OGDHL: variants seen among roughly 807,000 people sequenced by gnomAD.
OGDHL encodes 2-oxoglutarate dehydrogenase-like, mitochondrial.
OGDHL carries 79 observed loss-of-function variants against 109.6 expected under a neutral mutation model. The observed-to-expected ratio is 0.72, with a 90% confidence interval of 0.60 to 0.87. OGDHL has a LOEUF of 0.87. Among genes scored for constraint, OGDHL ranks in the 40% least tolerant of loss-of-function variants. OGDHL has a pLI of 0.00. For synonymous variants in OGDHL, 528 were observed against 537.2 expected, an observed-to-expected ratio of 0.98 and a Z score of 0.24; for missense variants, 1,275 against 1,362.2, an observed-to-expected ratio of 0.94 and a Z score of 1.01.
At chr10:49,741,380 A>C (rs1307959467) in intron 15 of OGDHL, among the ~76,000 whole-genome samples, 1 of 152,102 alleles carries the variant, frequency 6.6e-6, no homozygotes, top group Non-Finnish European at 1.5e-5. Context: ...TGGGTGCATC[A>C]GAGGGCCACC....
At chr10:49,740,240 T>C (rs982652382) in intron 16 of OGDHL, among the ~76,000 whole-genome samples, 1 of 152,020 alleles carries the variant, frequency 6.6e-6, no homozygotes, top group Non-Finnish European at 1.5e-5. Flanking sequence ...GTGAGCCAGC[T>C]AATGATGCAT....
At chr10:49,744,217 T>TGGAGG (rs1842014644) in intron 13 of OGDHL, 95 bp from the exon 14 acceptor site, 1 of 1,488,006 alleles carries the variant, frequency 6.7e-7, no homozygotes, top group Non-Finnish European at 9.0e-7. Context: ...GCCCATGGCT[T>TGGAGG]CCCAAACTCC....
chr10:49,750,529 C>A (rs1488849865), intron 7 of OGDHL, among the ~76,000 whole-genome samples: 7 of 152,200 alleles, frequency 4.6e-5, no homozygotes, highest in African/African-American at 1.7e-4. Context: ...CTCTCCTTGT[C>A]CACAGGAACC....
At position 49,736,519 on chromosome 10, in the gene OGDHL, C is replaced by T; in HGVS notation, c.2592G>A (p.Gly864=). The change falls in exon 21 of 23, where the codon GGG becomes GGA. Residue 864 remains glycine (G), a splice_region_variant and synonymous_variant. Transcript: ENST00000374103. ...AKSSFDQMVS[G]TSFQRVIPED... ...CAGGAATCACCCGCTGGAAGCTGGT[C>T]CCTGAGGGACCAACAGGACATGGCA... The T allele has an allele frequency of 6.2e-7, 1 of 1,612,794 alleles. No homozygotes were observed. Among genetic ancestry groups the T allele is most frequent in the South Asian group, 1.1e-5 (1 of 91,018 alleles).
chr10:49,746,726 C>A, intron 10 of OGDHL, 24 bp downstream of exon 10: 4 of 1,612,344 alleles, frequency 2.5e-6, no homozygotes, highest in Non-Finnish European at 3.4e-6. Context: ...GCTGTGAGGC[C>A]CAGCGTGGAG....
chr10:49,755,080 C>A (rs1327447163), intron 3 of OGDHL, among the ~76,000 whole-genome samples: 1 of 152,162 alleles, frequency 6.6e-6, no homozygotes, highest in South Asian at 2.1e-4. Flanking sequence ...CCCGTCTCCA[C>A]TGAAAACACA....
intron 8 of OGDHL, 21 bp from the exon 9 acceptor site, chr10:49,747,229 A>G (rs775838490): frequency 6.2e-6 from 10 of 1,610,402 alleles, no homozygotes; most frequent in African/African-American, 1.3e-5. Flanking sequence ...AGATGGGAAC[A>G]TGATGGATCC....
chr10:49,740,271 G>A (rs1236688831), intron 16 of OGDHL, among the ~76,000 whole-genome samples: 1 of 152,082 alleles, frequency 6.6e-6, no homozygotes, highest in African/African-American at 2.4e-5. Flanking sequence ...GCATGCACAG[G>A]GGACACAGGC....
At chr10:49,746,090 G>C (rs1842164805) in intron 10 of OGDHL, 113 bp from the exon 11 acceptor site, 1 of 1,209,398 alleles carries the variant, frequency 8.3e-7, no homozygotes, top group Admixed American at 2.3e-5. Context: ...AGGTGCCCAG[G>C]AGGAATGTGG....
chr10:49,747,870 C>T (rs1842305184), intron 8 of OGDHL, among the ~76,000 whole-genome samples: 1 of 152,152 alleles, frequency 6.6e-6, no homozygotes, highest in Non-Finnish European at 1.5e-5. Flanking sequence ...TGAGCAAAAG[C>T]CACAAGCAGG....
intron 17 of OGDHL, 67 bp downstream of exon 17, chr10:49,739,594 G>A: frequency 1.3e-6 from 2 of 1,555,254 alleles, no homozygotes; most frequent in South Asian, 2.5e-5. Context: ...AGGGGCCCAG[G>A]GTCCATCCCG....
At chr10:49,758,810 A>C in intron 1 of OGDHL, 1 of 598,644 alleles carries the variant, frequency 1.7e-6, no homozygotes, top group Non-Finnish European at 3.0e-6. Context: ...AATAGATATC[A>C]AACAGCCCTG....
In OGDHL at chr10:49,752,610, C is replaced by T. The variant is rs747571797; in HGVS notation, c.478+28G>A. ...TTACTGGGCCACCCACACAGCACTG[C>T]CATGGCCGTCCTGAGGAAGGGTCTT... is the stretch of plus-strand genomic sequence containing the variant. On this transcript the variant is annotated intron_variant, in intron 4 of 22. Coordinates refer to ENST00000374103, the MANE Select transcript of OGDHL (RefSeq NM_018245.3). The T allele has an allele frequency of 3.1e-6, 5 of 1,594,116 alleles. No homozygotes were observed. The South Asian group carries it at 5.5e-5, about 18-fold the overall frequency.
At chr10:49,735,420 G>A (rs58932684) in intron 22 of OGDHL, 69 bp from the exon 23 acceptor site, 65,828 of 1,554,558 alleles carry the variant, frequency 0.042, 2,207 homozygotes, top group African/African-American at 0.15. Flanking sequence ...CCCTCACTCC[G>A]GGACTGCAGG....
Position 49,749,788 on chromosome 10 carries a change from T to C in OGDHL, c.925A>G (p.Ile309Val). ...AAGATCTGCTCCAGGTCCTTGCGGA[T>C]CACGTTGGCCAGCACGTTCAGCCTT... ...RGRLNVLANV[I>V]RKDLEQIFCQ... Residue 309 changes from isoleucine (I) to valine (V), a missense_variant, in exon 8 of 23, where the codon ATC (isoleucine) becomes GTC (valine). By Grantham distance (29) the Ile-to-Val change is conservative. Transcript: ENST00000374103. The C allele has an allele frequency of 6.2e-7, 1 of 1,600,890 alleles. No homozygotes were observed. The highest frequency in any genetic ancestry group is 8.5e-7 in the Non-Finnish European group (1 of 1,177,014).
At chr10:49,744,536 G>C in intron 13 of OGDHL, 114 bp downstream of exon 13, 1 of 797,886 alleles carries the variant, frequency 1.3e-6, no homozygotes, top group Non-Finnish European at 2.1e-6. Flanking sequence ...GATAGAGCCT[G>C]CAGCCTCTAG....
At chr10:49,741,093 G>A (rs1841620313) in intron 15 of OGDHL, among the ~76,000 whole-genome samples, 1 of 152,082 alleles carries the variant, frequency 6.6e-6, no homozygotes, top group Admixed American at 6.6e-5. Flanking sequence ...ACGCACTGGG[G>A]GGTCTGGGGG....
chr10:49,741,176 C>T (rs2132974494), intron 15 of OGDHL, among the ~76,000 whole-genome samples: 1 of 152,242 alleles, frequency 6.6e-6, no homozygotes, highest in Non-Finnish European at 1.5e-5. Context: ...TAAGACACTT[C>T]CCAGGTGCCA....
chr10:49,739,517 C>G (rs981400245), intron 17 of OGDHL, 144 bp downstream of exon 17: 84 of 948,294 alleles, frequency 8.9e-5, no homozygotes, highest in Non-Finnish European at 1.2e-4. Flanking sequence ...TGCACATGTG[C>G]AGACCCCACC....
Sources: gnomAD v4.1 joint callset for allele counts (sites outside exome capture counted in the v4.1 genomes callset) on GRCh38, gnomAD v4.1.1 for gene constraint, MANE v1.5 for transcripts, NCBI Gene and HGNC (gene_info 2026-07-23, HGNC 2026-07-21) for gene names.